IPP: variants seen among roughly 807,000 people sequenced by gnomAD.
The protein encoded by IPP is actin-binding protein IPP.
IPP carries 41 observed loss-of-function variants against 64.1 expected under a neutral mutation model. The ratio of observed to expected loss-of-function variants is 0.64; its 90% CI spans 0.50 to 0.83. The LOEUF is 0.83. Ranked by LOEUF, IPP falls within the 40% of genes least tolerant of loss-of-function variation. IPP has a pLI of 0.00. For synonymous variants in IPP, 214 were observed against 235.2 expected (o/e 0.91, Z 0.83); for missense variants, 649 against 703.0 (o/e 0.92, Z 0.87).
At chr1:45,712,125 G>A (rs1645598312) in intron 8 of IPP, among the ~76,000 whole-genome samples, 1 of 151,912 alleles carries the variant, frequency 6.6e-6, no homozygotes, top group South Asian at 2.1e-4. Flanking sequence ...AGACCAGTCT[G>A]GCCAGCATGG....
At chr1:45,694,820 A>G (rs1177160088), downstream of IPP, 2 of 206,172 alleles carry the variant, frequency 9.7e-6, no homozygotes, top group African/African-American at 4.7e-5. Flanking sequence ...CCACTAGTAC[A>G]TATAAATTAG....
At chr1:45,743,125 AC>A (rs1177637106) in intron 2 of IPP, among the ~76,000 whole-genome samples, 4 of 151,440 alleles carry the variant, frequency 2.6e-5, no homozygotes, top group Admixed American at 6.6e-5. Flanking sequence ...TTCAGTAGGG[AC>A]GAGGTTTCAC....
intron 5 of IPP, among the ~76,000 whole-genome samples, chr1:45,726,872 C>T (rs971297043): frequency 6.6e-6 from 1 of 151,610 alleles, no homozygotes; most frequent in East Asian, 1.9e-4. Flanking sequence ...TACCAGCACC[C>T]GCCACCATGC....
intron 8 of IPP, among the ~76,000 whole-genome samples, chr1:45,703,950 G>A (rs996991978): frequency 2.6e-5 from 4 of 152,184 alleles, no homozygotes; most frequent in African/African-American, 4.8e-5. Context: ...TAAGAAGTCT[G>A]TATTTGTGAA....
chr1:45,723,229 T>C (rs184720811), intron 5 of IPP, among the ~76,000 whole-genome samples: 242 of 152,352 alleles, frequency 1.6e-3, no homozygotes, highest in Non-Finnish European at 2.9e-3. Context: ...GGTGGTATGA[T>C]TATGGCATAA....
intron 8 of IPP, among the ~76,000 whole-genome samples, chr1:45,708,031 A>T (rs989646619): frequency 1.3e-5 from 2 of 152,054 alleles, no homozygotes; most frequent in Non-Finnish European, 2.9e-5. Context: ...AGAGGAAATT[A>T]AAAAACATCT....
chr1:45,732,821 C>A (rs1366244919), intron 3 of IPP, among the ~76,000 whole-genome samples: 2 of 151,972 alleles, frequency 1.3e-5, no homozygotes, highest in Non-Finnish European at 2.9e-5. Context: ...CACCCACCCC[C>A]ACGCCTGGCT....
intron 1 of IPP, among the ~76,000 whole-genome samples, chr1:45,747,105 T>TGCGCGCGCACACGAGCGCGC (rs563728232): frequency 1.3e-5 from 2 of 148,818 alleles, no homozygotes; most frequent in East Asian, 2.1e-4. Flanking sequence ...AGTGCGCGCA[T>TGCGCGCGCACACGAGCGCGC]GCGCGCGCAC....
At chr1:45,701,145 G>A (rs183450145) in intron 8 of IPP, among the ~76,000 whole-genome samples, 151 of 152,284 alleles carry the variant, frequency 9.9e-4, no homozygotes, top group Admixed American at 3.9e-3. Flanking sequence ...TATCAAAAAA[G>A]GATATTGTGT....
Position 45,699,066 on chromosome 1 carries a change from GAC to G in IPP, c.*898_*899del. 3.0e-6 allele frequency: 3 copies of G among 985,316 alleles called. No individual in the cohort carries two copies. Among genetic ancestry groups the G allele is most frequent in the Non-Finnish European group, 3.6e-6 (3 of 829,976 alleles). The allele number at this position is 985,316 out of a possible 1,614,324, so 61.0% of individuals were successfully genotyped here. Reference sequence around the variant, plus strand: ...ATTTCTAGGTGCATACTGCCTGCTGGACTGTATAGCCCATTACAACATCTGGT... The same window carrying G: ...ATTTCTAGGTGCATACTGCCTGCTGGTGTATAGCCCATTACAACATCTGGT... On this transcript the variant is annotated 3_prime_UTR_variant, in exon 9 of 9. Coordinates refer to ENST00000396478, the MANE Select transcript of IPP (RefSeq NM_005897.3).
chr1:45,741,656 T>C (rs1346333659), intron 2 of IPP, among the ~76,000 whole-genome samples: 2 of 69,318 alleles, frequency 2.9e-5, no homozygotes, highest in African/African-American at 9.3e-5. Context: ...TGAGACGGAG[T>C]CCCGCTCTTT....
At chr1:45,695,188 G>A (rs183944799), downstream of IPP, among the ~76,000 whole-genome samples, 216 of 152,152 alleles carry the variant, frequency 1.4e-3, 1 homozygote, top group Admixed American at 0.012. Flanking sequence ...TTGTTTAAAC[G>A]CAGGGTCTCA....
intron 6 of IPP, among the ~76,000 whole-genome samples, chr1:45,718,895 A>G (rs1645695012): frequency 6.6e-6 from 1 of 150,528 alleles, no homozygotes; most frequent in African/African-American, 2.4e-5. Context: ...GGCATGGTTA[A>G]TGAATACAAA....
At chr1:45,727,593 C>G in intron 5 of IPP, 38 bp downstream of exon 5, 2 of 1,343,876 alleles carry the variant, frequency 1.5e-6, no homozygotes, top group Non-Finnish European at 2.0e-6. Context: ...ATATAGCCAA[C>G]AAGACTAATT....
intron 4 of IPP, among the ~76,000 whole-genome samples, chr1:45,729,196 G>A (rs1645873252): frequency 1.3e-5 from 2 of 150,668 alleles, no homozygotes; most frequent in South Asian, 2.1e-4. Context: ...ATATTCCTAT[G>A]GATCATCTTT....
Position 45,719,209 on chromosome 1 carries a change from C to T in IPP, c.1180G>A (p.Ala394Thr). ...AACTGAACAACATAATTACCCAAAG[C>T]ATAGATAGCCCCATAACACACACAC... ...GVCVCYGAIY[A>T]LGGWVGAEIG... Residue 394 changes from alanine (A) to threonine (T), a missense_variant, in exon 6 of 9, where the codon GCT (alanine) becomes ACT (threonine). Transcript: ENST00000396478. 6.2e-7 allele frequency: 1 copy of T among 1,613,928 alleles called. No homozygotes were observed. The highest frequency in any genetic ancestry group is 8.5e-7 in the Non-Finnish European group (1 of 1,179,960).
chr1:45,744,435 G>A (rs566492219), intron 2 of IPP, among the ~76,000 whole-genome samples: 1 of 151,814 alleles, frequency 6.6e-6, no homozygotes, highest in Non-Finnish European at 1.5e-5. Context: ...CCAGTCCAGG[G>A]TGCAGCAGCT....
At chr1:45,742,671 C>A (rs971862006) in intron 2 of IPP, among the ~76,000 whole-genome samples, 10 of 151,932 alleles carry the variant, frequency 6.6e-5, no homozygotes, top group African/African-American at 2.2e-4. Flanking sequence ...GTAGCTGGTA[C>A]TACAGACACT....
In IPP at chr1:45,740,994, C is replaced by T. The variant is rs1204228689; in HGVS notation, c.631G>A (p.Asp211Asn). The change falls in exon 3 of 9, where the codon GAT becomes AAT. Residue 211 changes from aspartate to asparagine, a missense_variant. Transcript: ENST00000396478. ...ACATGTTTTCTTCTTTTTCCCAAAT[C>T]TTTCAGAATCCATTGCATTGCAGCT... ...FLAAMQWILK[D>N]LGKRRKHVVE... 1.2e-6 allele frequency: 2 copies of T among 1,613,784 alleles called. No individual in the cohort carries two copies. The highest frequency in any genetic ancestry group is 1.7e-5 in the Admixed American group (1 of 59,956).
Sources: allele counts gnomAD v4.1 joint callset (sites outside exome capture counted in the v4.1 genomes callset), GRCh38; gene constraint gnomAD v4.1.1; transcripts MANE v1.5; gene names NCBI Gene and HGNC (gene_info 2026-07-23, HGNC 2026-07-21).